The following ASIC2 variants were observed in gnomAD, a reference collection of about 807,000 sequenced individuals.
ASIC2 encodes the protein acid-sensing ion channel 2.
In ASIC2, 25 loss-of-function variants were observed where a neutral mutation model predicts 57.3. The observed-to-expected ratio is 0.44, with a 90% CI of 0.32 to 0.61. ASIC2 has a LOEUF of 0.61. Among genes scored for constraint, ASIC2 ranks in the 20% least tolerant of loss-of-function variants. The pLI, the probability that ASIC2 is intolerant of heterozygous loss-of-function variation, is 0.06. For missense variants in ASIC2, 641 were observed against 738.1 expected, an observed-to-expected ratio of 0.87 and a Z score of 1.52; for synonymous variants, 319 against 307.5, an observed-to-expected ratio of 1.04 and a Z score of -0.39.
At chr17:33,153,129 C>T (rs2142031857) in intron 1 of ASIC2, among the ~76,000 whole-genome samples, 1 of 152,330 alleles carries the variant, frequency 6.6e-6, no homozygotes, top group East Asian at 1.9e-4. Context: ...TGGTCATCCC[C>T]ATTGCAGAGA....
chr17:34,013,347 C>T (rs962196130), intron 1 of ASIC2, among the ~76,000 whole-genome samples: 1 of 152,098 alleles, frequency 6.6e-6, no homozygotes, highest in Non-Finnish European at 1.5e-5. Flanking sequence ...GCTCCGCCTC[C>T]CAGGCCCACC....
chr17:33,151,322 C>T (rs1397630043), intron 1 of ASIC2, among the ~76,000 whole-genome samples: 2 of 146,252 alleles, frequency 1.4e-5, no homozygotes, highest in South Asian at 2.2e-4. Context: ...TACAGTGAGC[C>T]GAGATAGCGC....
chr17:33,563,077 A>T (rs1000346828), intron 1 of ASIC2, among the ~76,000 whole-genome samples: 1 of 152,214 alleles, frequency 6.6e-6, no homozygotes, highest in Non-Finnish European at 1.5e-5. Context: ...CAAAGGAACC[A>T]TGATGGCACA....
intron 1 of ASIC2, among the ~76,000 whole-genome samples, chr17:33,615,038 T>G (rs374336670): frequency 6.6e-6 from 1 of 152,358 alleles, no homozygotes; most frequent in South Asian, 2.1e-4. Context: ...TTCTTACTTT[T>G]TTATTATTAA....
At chr17:33,208,245 T>C (rs1421136714) in intron 1 of ASIC2, among the ~76,000 whole-genome samples, 2 of 152,222 alleles carry the variant, frequency 1.3e-5, no homozygotes, top group Admixed American at 1.3e-4. Flanking sequence ...GGAAAAATAC[T>C]ACAAATCTGT....
At chr17:33,751,495 T>G (rs192667646) in intron 1 of ASIC2, among the ~76,000 whole-genome samples, 1 of 152,324 alleles carries the variant, frequency 6.6e-6, no homozygotes, top group Admixed American at 6.5e-5. Flanking sequence ...GATGCTGAAT[T>G]TGAGGTCTGA....
chr17:33,770,623 T>TA (rs1423262322), intron 1 of ASIC2, among the ~76,000 whole-genome samples: 1 of 152,180 alleles, frequency 6.6e-6, no homozygotes, highest in East Asian at 1.9e-4. Flanking sequence ...CTCACCCTTG[T>TA]AGCCAGCTGC....
intron 1 of ASIC2, among the ~76,000 whole-genome samples, chr17:33,990,887 C>T (rs1905982094): frequency 6.6e-6 from 1 of 152,184 alleles, no homozygotes; most frequent in East Asian, 1.9e-4. Flanking sequence ...TGAATAATCA[C>T]ATACACTTAA....
At chr17:33,443,841 C>A (rs187450686) in intron 1 of ASIC2, among the ~76,000 whole-genome samples, 2 of 152,198 alleles carry the variant, frequency 1.3e-5, no homozygotes, top group African/African-American at 4.8e-5. Flanking sequence ...ACTTAATCTG[C>A]AGAACCTTTG....
chr17:33,493,985 T>A (rs1386774086), intron 1 of ASIC2, among the ~76,000 whole-genome samples: 1 of 152,242 alleles, frequency 6.6e-6, no homozygotes, highest in Non-Finnish European at 1.5e-5. Flanking sequence ...GGTGGGAGAC[T>A]CTTACAGCCA....
chr17:33,918,257 T>C (rs1915632602), intron 1 of ASIC2, among the ~76,000 whole-genome samples: 2 of 152,184 alleles, frequency 1.3e-5, no homozygotes, highest in African/African-American at 2.4e-5. Context: ...AATCTTTTTC[T>C]CCTCTGATCT....
At chr17:33,346,620 T>C (rs781352569) in intron 1 of ASIC2, among the ~76,000 whole-genome samples, 11 of 152,190 alleles carry the variant, frequency 7.2e-5, no homozygotes, top group Non-Finnish European at 1.5e-4. Context: ...AGATACCTGT[T>C]AGGCATCCGT....
intron 1 of ASIC2, among the ~76,000 whole-genome samples, chr17:34,048,258 C>G (rs1908413474): frequency 1.3e-5 from 2 of 152,228 alleles, no homozygotes; most frequent in Non-Finnish European, 2.9e-5. Context: ...TTGCCATTCT[C>G]TCTCCTGAAC....
chr17:33,448,767 A>G (rs566728421), intron 1 of ASIC2, among the ~76,000 whole-genome samples: 13 of 152,246 alleles, frequency 8.5e-5, no homozygotes, highest in Non-Finnish European at 1.5e-4. Context: ...GTAATTGACT[A>G]TAGAGGCTAT....
At chr17:33,135,657 A>C (rs910248195) in intron 1 of ASIC2, among the ~76,000 whole-genome samples, 1 of 152,178 alleles carries the variant, frequency 6.6e-6, no homozygotes, top group African/African-American at 2.4e-5. Flanking sequence ...TCCTCATGTC[A>C]CCATGTTGAC....
intron 1 of ASIC2, among the ~76,000 whole-genome samples, chr17:33,764,947 T>C (rs1331306686): frequency 6.6e-6 from 1 of 152,170 alleles, no homozygotes; most frequent in Non-Finnish European, 1.5e-5. Flanking sequence ...CCTGGGCGTA[T>C]GCTGATGCTG....
At chr17:33,772,770 G>T (rs202174142) in intron 1 of ASIC2, among the ~76,000 whole-genome samples, 1 of 152,198 alleles carries the variant, frequency 6.6e-6, no homozygotes, top group Non-Finnish European at 1.5e-5. Context: ...CTTGAGGAAA[G>T]CGGGGAGGCT....
chr17:33,498,582 G>A (rs749861836), intron 1 of ASIC2, among the ~76,000 whole-genome samples: 6 of 151,758 alleles, frequency 4.0e-5, no homozygotes, highest in Non-Finnish European at 8.8e-5. Context: ...GAGTGCAGAG[G>A]GCCAGGCTTG....
intron 3 of ASIC2, among the ~76,000 whole-genome samples, chr17:33,042,966 G>A (rs886273): frequency 0.37 from 55,302 of 150,146 alleles, 11,037 homozygotes; most frequent in Admixed American, 0.54. Flanking sequence ...CTCTTCCATC[G>A]CCCAGGCTGG....
Sources: allele counts gnomAD v4.1 joint callset (sites outside exome capture counted in the v4.1 genomes callset), GRCh38; gene constraint gnomAD v4.1.1; transcripts MANE v1.5; gene names NCBI Gene and HGNC (gene_info 2026-07-23, HGNC 2026-07-21).